The following COL8A1 variants were observed in gnomAD, a reference collection of about 807,000 sequenced individuals.
COL8A1 encodes the protein collagen alpha-1(VIII) chain.
In COL8A1, 21 loss-of-function variants were observed where a neutral mutation model predicts 42.7. The ratio of observed to expected loss-of-function variants is 0.49; its 90% CI spans 0.35 to 0.71. COL8A1 has a LOEUF of 0.71. COL8A1 is among the 30% of genes least tolerant of loss of function. The pLI is 0.01. For synonymous variants in COL8A1, 367 were observed against 369.1 expected (o/e 0.99, Z 0.06); for missense variants, 788 against 962.4 (o/e 0.82, Z 2.40).
intron 1 of COL8A1, among the ~76,000 whole-genome samples, chr3:99,700,828 A>G (rs1939515667): frequency 6.6e-6 from 1 of 152,160 alleles, no homozygotes; most frequent in Admixed American, 6.5e-5. Flanking sequence ...GCATACATAC[A>G]CACACCCTGG....
At chr3:99,703,547 A>T (rs1323841378) in intron 1 of COL8A1, 1 of 152,254 alleles carries the variant, frequency 6.6e-6, no homozygotes, top group Non-Finnish European at 1.5e-5. Context: ...ATTATTTCAC[A>T]GACCATGTTG....
At chr3:99,650,056 A>G (rs1937792215) in intron 1 of COL8A1, among the ~76,000 whole-genome samples, 1 of 152,000 alleles carries the variant, frequency 6.6e-6, no homozygotes, top group Non-Finnish European at 1.5e-5. Flanking sequence ...ATCTCACCCC[A>G]AAGCTTCTTT....
At chr3:99,653,711 C>A (rs1937923632) in intron 1 of COL8A1, among the ~76,000 whole-genome samples, 2 of 150,654 alleles carry the variant, frequency 1.3e-5, no homozygotes, top group South Asian at 4.2e-4. Context: ...TGCTCTACAA[C>A]ACTCTCCTTG....
chr3:99,662,979 A>T (rs1442397867), intron 1 of COL8A1, among the ~76,000 whole-genome samples: 1 of 152,156 alleles, frequency 6.6e-6, no homozygotes, highest in Non-Finnish European at 1.5e-5. Context: ...CAAAGATATC[A>T]TGTTTTCACT....
intron 2 of COL8A1, among the ~76,000 whole-genome samples, chr3:99,754,978 G>A (rs1481019651): frequency 1.3e-5 from 2 of 152,028 alleles, no homozygotes; most frequent in Admixed American, 6.6e-5. Flanking sequence ...AGGAATAATG[G>A]GTAACAATTA....
intron 2 of COL8A1, among the ~76,000 whole-genome samples, chr3:99,750,693 G>A (rs1941129571): frequency 6.6e-6 from 1 of 152,096 alleles, no homozygotes; most frequent in Non-Finnish European, 1.5e-5. Flanking sequence ...GCAACCTGTA[G>A]GCTATTCAAC....
chr3:99,640,726 T>C (rs1308720262), intron 1 of COL8A1, among the ~76,000 whole-genome samples: 2 of 152,194 alleles, frequency 1.3e-5, no homozygotes, highest in Admixed American at 6.5e-5. Context: ...CCTTTCTCCA[T>C]AGGGTACATA....
At chr3:99,759,648 C>T (rs1307300175) in intron 2 of COL8A1, among the ~76,000 whole-genome samples, 1 of 152,126 alleles carries the variant, frequency 6.6e-6, no homozygotes, top group Non-Finnish European at 1.5e-5. Flanking sequence ...TTTTTTTAGA[C>T]ACACAATGAC....
intron 2 of COL8A1, among the ~76,000 whole-genome samples, chr3:99,772,217 A>G (rs1941593144): frequency 6.6e-6 from 1 of 152,224 alleles, no homozygotes; most frequent in Admixed American, 6.5e-5. Context: ...CTAAATAAAG[A>G]AGCTAATCTG....
intron 1 of COL8A1, chr3:99,680,114 T>C (rs1938823976): frequency 1.3e-5 from 2 of 152,188 alleles, no homozygotes; most frequent in Middle Eastern, 6.8e-3. Context: ...TCATTTACAT[T>C]AGGTATATCT....
intron 1 of COL8A1, among the ~76,000 whole-genome samples, chr3:99,661,081 T>C (rs1263366772): frequency 6.6e-6 from 1 of 152,146 alleles, no homozygotes; most frequent in Non-Finnish European, 1.5e-5. Flanking sequence ...ACATGTAAGA[T>C]AAACGTGCAA....
intron 1 of COL8A1, chr3:99,707,046 T>C (rs1180105101): frequency 1.3e-5 from 2 of 152,060 alleles, no homozygotes; most frequent in African/African-American, 4.8e-5. Flanking sequence ...GAAAAATAAG[T>C]AAAGAAGATG....
intron 1 of COL8A1, among the ~76,000 whole-genome samples, chr3:99,681,819 A>G (rs962203119): frequency 7.2e-5 from 11 of 152,162 alleles, no homozygotes; most frequent in Non-Finnish European, 1.5e-4. Flanking sequence ...AGTATATTAC[A>G]TTGGTTATCA....
In COL8A1 at chr3:99,697,483, G is replaced by T. The variant is rs1305752602; in HGVS notation, c.-128-47414G>T. Among the ~76,000 whole-genome samples the T allele has an allele frequency of 2.0e-5, 3 of 152,178 alleles. No homozygotes were observed. In the South Asian group the frequency reaches 6.2e-4, roughly 32 times the overall value. On this transcript the variant is annotated intron_variant, in intron 1 of 3. Transcript: ENST00000652472. ...AAGTTAAAAGGAAAACAACCAAATT[G>T]TTTAAAATGCTGGAATTGCCTAAAG...
At chr3:99,658,113 TCAAAAAAACAAAAAA>T (rs1191882473) in intron 1 of COL8A1, among the ~76,000 whole-genome samples, 2 of 124,884 alleles carry the variant, frequency 1.6e-5, no homozygotes, top group African/African-American at 2.8e-5. Flanking sequence ...AGACTCCATC[TCAAAAAAACAAAAAA>T]CAAAAAAAAA....
In COL8A1 at chr3:99,794,849, A is replaced by G. The variant is rs547883197; in HGVS notation, c.948A>G (p.Gly316=). 78 of 1,612,364 alleles carry G rather than the reference A, an allele frequency of 4.8e-5. No homozygotes were observed. In the Middle Eastern group the frequency reaches 5.0e-4, roughly 10 times the overall value. The stretch of plus-strand genomic sequence containing the variant: ...GACCTCCTGGGATACCCGGAATTGG[A>G]AAGCCAGGCCAGGATGGGATCCCAG... ...VQGPPGIPGI[G]KPGQDGIPGQ... The change falls in exon 4 of 4, where the codon GGA becomes GGG. Residue 316 remains glycine (G), a synonymous_variant. Transcript: ENST00000652472. The surrounding 1 kb of genome is among the most constrained non-coding windows in gnomAD (Gnocchi z 4.3).
At chr3:99,785,327 G>A (rs963455300) in intron 2 of COL8A1, among the ~76,000 whole-genome samples, 5 of 152,170 alleles carry the variant, frequency 3.3e-5, no homozygotes, top group African/African-American at 9.7e-5. Context: ...TTTTGATGAT[G>A]AGGATCCATC....
chr3:99,748,188 G>A (rs938341841), intron 2 of COL8A1, among the ~76,000 whole-genome samples: 2 of 152,132 alleles, frequency 1.3e-5, no homozygotes, highest in Admixed American at 6.5e-5. Context: ...TAAGATTCCC[G>A]GCTGGTCTTT....
chr3:99,705,092 A>G (rs967488360), intron 1 of COL8A1, among the ~76,000 whole-genome samples: 7 of 152,180 alleles, frequency 4.6e-5, no homozygotes, highest in Non-Finnish European at 7.3e-5. Context: ...AACTTTCTCT[A>G]CACCTTTTTT....
Sources: gnomAD v4.1 joint callset for allele counts (sites outside exome capture counted in the v4.1 genomes callset) on GRCh38, gnomAD v4.1.1 for gene constraint, Gnocchi (gnomAD v3.1) non-coding constraint, MANE v1.5 for transcripts, NCBI Gene and HGNC (gene_info 2026-07-23, HGNC 2026-07-21) for gene names.